Variants in LRP2 observed in about 807,000 individuals in gnomAD.
LRP2 encodes LDL receptor related protein 2.
Under a neutral mutation model 531.0 loss-of-function variants are expected in LRP2, and 172 were observed. The observed-to-expected ratio is 0.32, with a 90% CI of 0.29 to 0.37. LRP2 has a LOEUF of 0.37. Ranked by LOEUF, LRP2 falls within the 10% of genes least tolerant of loss-of-function variation. The pLI is 1.00. For missense variants in LRP2, 5,167 were observed against 5,868.3 expected (o/e 0.88, Z 3.90); for synonymous variants, 1,992 against 2,027.6 (o/e 0.98, Z 0.47).
At position 169,128,233 on chromosome 2, in the gene LRP2, C is replaced by G. The variant is rs972807759; in HGVS notation, c.*430G>C. On this transcript the variant is annotated 3_prime_UTR_variant, in exon 79 of 79. Coordinates refer to ENST00000649046, the MANE Select transcript of LRP2 (RefSeq NM_004525.3). Reference sequence around the variant, plus strand: ...GGACCCAAGAGCGGGGCCTGGATTCCTTTCCTAGATAATTTTATAGGAAAT... The same window carrying G: ...GGACCCAAGAGCGGGGCCTGGATTCGTTTCCTAGATAATTTTATAGGAAAT... The G allele has an allele frequency of 1.7e-5, 3 of 178,530 alleles. No homozygotes were observed. Among genetic ancestry groups the G allele is most frequent in the African/African-American group, 7.2e-5 (3 of 41,550 alleles). 11.1% of individuals were successfully genotyped at this position (178,530 alleles called of 1,614,324 possible). A position where few individuals can be genotyped will look rare whatever the true frequency, so the allele number is the denominator to read the frequency against.
chr2:169,133,371 A>G (rs548092316), intron 76 of LRP2, among the ~76,000 whole-genome samples: 1 of 152,360 alleles, frequency 6.6e-6, no homozygotes, highest in South Asian at 2.1e-4. Context: ...AAACTTGGAT[A>G]TGCATTTGTA....
At chr2:169,238,014 T>A (rs1689667951) in intron 27 of LRP2, 77 bp downstream of exon 27, 3 of 1,255,976 alleles carry the variant, frequency 2.4e-6, no homozygotes, top group Non-Finnish European at 3.5e-6. Flanking sequence ...TAGGGCCTTC[T>A]CTCACTGGTG....
chr2:169,282,835 T>C lies in LRP2; in HGVS notation c.1171+38A>G, dbSNP rs1028430814. ...AAGGAAAGAAGCTATTAGAATCTGT[T>C]CACTGTTCAGAGACACAGGTGTCCA... On this transcript the variant is annotated intron_variant, in intron 10 of 78. Coordinates refer to ENST00000649046, the MANE Select transcript of LRP2 (RefSeq NM_004525.3). The C allele has an allele frequency of 2.5e-6, 4 of 1,602,484 alleles. No individual in the cohort carries two copies. The African/African-American group carries it at 5.4e-5, about 21-fold the overall frequency.
At chr2:169,247,707 T>A (rs1343983908) in intron 19 of LRP2, among the ~76,000 whole-genome samples, 192 bp from the exon 20 acceptor site, 1 of 152,206 alleles carries the variant, frequency 6.6e-6, no homozygotes, top group East Asian at 1.9e-4. Context: ...GAAGTCTGTA[T>A]GTTAATAATA....
intron 17 of LRP2, 81 bp downstream of exon 17, chr2:169,258,944 C>G: frequency 8.1e-7 from 1 of 1,229,988 alleles, no homozygotes; most frequent in East Asian, 2.3e-5. Flanking sequence ...CTGAACTTAC[C>G]TAAATCCCTA....
Position 169,338,360 on chromosome 2 carries a change from GA to G in LRP2, c.80-17477del, listed in dbSNP as rs1472893889. Among the ~76,000 whole-genome samples, 46 of 18,986 alleles carry G rather than the reference GA, an allele frequency of 2.4e-3. 1 individual carries two copies. The highest frequency in any genetic ancestry group is 0.012 in the African/African-American group (46 of 3,768). 12.5% of individuals were successfully genotyped at this position (18,986 alleles called of 152,430 possible). A position where few individuals can be genotyped will look rare whatever the true frequency, so the allele number is the denominator to read the frequency against. ...AGAAAGAAAGAAGGAAAGAAAGAAG[GA>G]AAGAAAGAAAGAAAGAAAGAAAGAA... is the stretch of plus-strand genomic sequence containing the variant. On this transcript the variant is annotated intron_variant, in intron 1 of 78. Transcript: ENST00000649046.
chr2:169,245,855 TTTG>T (rs1005618610), intron 21 of LRP2, among the ~76,000 whole-genome samples: 16 of 152,138 alleles, frequency 1.1e-4, no homozygotes, highest in African/African-American at 2.9e-4. Context: ...ATTTTTGGTT[TTTG>T]TTGTTGTTGT....
chr2:169,229,533 TA>T (rs376704708), intron 31 of LRP2, among the ~76,000 whole-genome samples: 104 of 152,250 alleles, frequency 6.8e-4, no homozygotes, highest in African/African-American at 2.2e-3. Flanking sequence ...GTATTTGGAG[TA>T]ATTTTAGGGG....
chr2:169,190,985 A>G (rs1687809559), intron 48 of LRP2, among the ~76,000 whole-genome samples: 1 of 152,242 alleles, frequency 6.6e-6, no homozygotes, highest in African/African-American at 2.4e-5. Flanking sequence ...AGAAAGAGGT[A>G]AGAAGTCAAA....
chr2:169,167,063 G>A (rs1007986608), intron 61 of LRP2, among the ~76,000 whole-genome samples: 1 of 152,090 alleles, frequency 6.6e-6, no homozygotes, highest in African/African-American at 2.4e-5. Flanking sequence ...AAACAGTATT[G>A]GAAACCTTTT....
At chr2:169,347,945 T>A (rs1176417685) in intron 1 of LRP2, among the ~76,000 whole-genome samples, 1 of 152,216 alleles carries the variant, frequency 6.6e-6, no homozygotes, top group Admixed American at 6.5e-5. Flanking sequence ...TAAATGAGGC[T>A]TCATTTGATT....
At chr2:169,317,463 T>C (rs537727146) in intron 3 of LRP2, among the ~76,000 whole-genome samples, 25 of 152,182 alleles carry the variant, frequency 1.6e-4, no homozygotes, top group South Asian at 4.1e-4. Context: ...TTTTATGCAA[T>C]CAAGAAAGGC....
At chr2:169,317,486 T>C (rs752143729) in intron 3 of LRP2, among the ~76,000 whole-genome samples, 13 of 152,128 alleles carry the variant, frequency 8.5e-5, no homozygotes, top group Non-Finnish European at 1.2e-4. Context: ...ATAGGATAAA[T>C]ATGGCAGAGC....
At chr2:169,359,786 T>C (rs1484383089) in intron 1 of LRP2, among the ~76,000 whole-genome samples, 1 of 151,964 alleles carries the variant, frequency 6.6e-6, no homozygotes, top group African/African-American at 2.4e-5. Context: ...ACCTCAAACA[T>C]GGACAGTAAG....
chr2:169,354,871 C>T (rs1685947971), intron 1 of LRP2, among the ~76,000 whole-genome samples: 1 of 152,196 alleles, frequency 6.6e-6, no homozygotes, highest in Non-Finnish European at 1.5e-5. Context: ...TCCACAGAAG[C>T]ATCTTAACCT....
At chr2:169,352,876 G>T (rs1486866911) in intron 1 of LRP2, among the ~76,000 whole-genome samples, 2 of 151,732 alleles carry the variant, frequency 1.3e-5, no homozygotes, top group African/African-American at 2.4e-5. Flanking sequence ...CTGTCAGGGG[G>T]TGGGGGCCAA....
At chr2:169,238,752 T>C (rs1024042677) in intron 26 of LRP2, among the ~76,000 whole-genome samples, 1 of 152,186 alleles carries the variant, frequency 6.6e-6, no homozygotes, top group Non-Finnish European at 1.5e-5. Context: ...CTTCTTTTTC[T>C]TTTTAGTAAT....
At chr2:169,153,060 C>T in intron 66 of LRP2, 96 bp from the exon 67 acceptor site, 2 of 1,031,754 alleles carry the variant, frequency 1.9e-6, no homozygotes, top group Non-Finnish European at 3.1e-6. Flanking sequence ...CGTTTATTGA[C>T]ATCTCTACCT....
At chr2:169,170,994 A>G (rs988479809) in intron 58 of LRP2, among the ~76,000 whole-genome samples, 2 of 131,550 alleles carry the variant, frequency 1.5e-5, no homozygotes, top group African/African-American at 2.9e-5. Context: ...CTCCTGGTCT[A>G]AAGTAATCCT....
Sources: allele counts gnomAD v4.1 joint callset (sites outside exome capture counted in the v4.1 genomes callset), GRCh38; gene constraint gnomAD v4.1.1; transcripts MANE v1.5; gene names NCBI Gene and HGNC (gene_info 2026-07-23, HGNC 2026-07-21).